The following CTCF variants were observed in gnomAD, a reference collection of about 807,000 sequenced individuals.
The protein encoded by CTCF is CCCTC-binding factor.
Under a neutral mutation model 72.3 loss-of-function variants are expected in CTCF, and 7 were observed. The observed-to-expected ratio is 0.10, with a 90% CI of 0.06 to 0.18. The LOEUF (loss-of-function observed/expected upper bound fraction) is 0.18. CTCF is among the 10% of genes least tolerant of loss of function. The probability of loss-of-function intolerance (pLI) is 1.00; values close to 1 mark genes in which losing one functional copy is unlikely to be tolerated. For synonymous variants in CTCF, 374 were observed against 315.8 expected, an observed-to-expected ratio of 1.18 and a Z score of -1.95; for missense variants, 516 against 949.1, an observed-to-expected ratio of 0.54 and a Z score of 6.00.
intron 2 of CTCF, among the ~76,000 whole-genome samples, chr16:67,606,312 C>T (rs2051972446): frequency 6.6e-6 from 1 of 152,226 alleles, no homozygotes; most frequent in African/African-American, 2.4e-5. Flanking sequence ...CTTTAAATGT[C>T]CTGCTCACGT....
intron 5 of CTCF, among the ~76,000 whole-genome samples, chr16:67,617,399 T>C (rs1285234901): frequency 1.3e-5 from 2 of 152,158 alleles, no homozygotes; most frequent in Non-Finnish European, 2.9e-5. Context: ...CTCGGGAGGC[T>C]GAGGCAGGAG....
At chr16:67,601,496 G>A (rs766281031) in intron 2 of CTCF, among the ~76,000 whole-genome samples, 1 of 151,290 alleles carries the variant, frequency 6.6e-6, no homozygotes, top group South Asian at 2.1e-4. Context: ...CTGCCACCAC[G>A]CCCAGCTAAT....
At chr16:67,607,492 G>C (rs2051990846) in intron 2 of CTCF, among the ~76,000 whole-genome samples, 2 of 151,010 alleles carry the variant, frequency 1.3e-5, no homozygotes, top group South Asian at 4.2e-4. Flanking sequence ...TTTTAGTAGA[G>C]ATGGGGTTTT....
At chr16:67,600,162 CAA>C (rs781370100) in intron 2 of CTCF, among the ~76,000 whole-genome samples, 1 of 152,078 alleles carries the variant, frequency 6.6e-6, no homozygotes, top group African/African-American at 2.4e-5. Flanking sequence ...GTGGGCCAAA[CAA>C]AGGGGCCGCA....
intron 1 of CTCF, among the ~76,000 whole-genome samples, chr16:67,564,685 T>G (rs768245326): frequency 6.6e-6 from 1 of 152,218 alleles, no homozygotes; most frequent in East Asian, 1.9e-4. Context: ...TTTATTTATT[T>G]AAATAAGCTC....
chr16:67,578,621 A>G (rs949351973), intron 2 of CTCF, among the ~76,000 whole-genome samples: 11 of 151,616 alleles, frequency 7.3e-5, no homozygotes, highest in Admixed American at 2.6e-4. Flanking sequence ...GCATGAGCCA[A>G]TGTGCCTGGC....
At chr16:67,618,379 G>T (rs1334307625) in intron 5 of CTCF, among the ~76,000 whole-genome samples, 1 of 152,164 alleles carries the variant, frequency 6.6e-6, no homozygotes, top group Non-Finnish European at 1.5e-5. Context: ...TCCAGCCTGG[G>T]TGATGAGTGA....
chr16:67,621,655 G>A (rs2052200069), intron 7 of CTCF, 64 bp downstream of exon 7: 1 of 1,258,284 alleles, frequency 7.9e-7, no homozygotes, highest in Non-Finnish European at 1.1e-6. Context: ...TCGAAATATG[G>A]GGATCAAAAA....
chr16:67,629,997 C>T lies in CTCF; in HGVS notation c.1837+464C>T, dbSNP rs186391093. 1.6e-3 allele frequency among the ~76,000 whole-genome samples: 240 copies of T among 151,562 alleles called. 1 individual carries two copies. The Middle Eastern group carries it at 0.024, about 15-fold the overall frequency. On this transcript the variant is annotated intron_variant, in intron 10 of 11. Transcript: ENST00000264010. Reference sequence around the variant, plus strand: ...TTCACCGTGTTAGCCAGAATGGTCTCGATCTCCTCACCTCATGATCCGCCC... The same window carrying T: ...TTCACCGTGTTAGCCAGAATGGTCTTGATCTCCTCACCTCATGATCCGCCC...
At chr16:67,566,197 T>C (rs2051341157) in intron 1 of CTCF, among the ~76,000 whole-genome samples, 1 of 152,078 alleles carries the variant, frequency 6.6e-6, no homozygotes, top group African/African-American at 2.4e-5. Context: ...TTGAAGACCA[T>C]GGTTCTCAAT....
At chr16:67,631,688 C>G (rs1233519870) in intron 10 of CTCF, among the ~76,000 whole-genome samples, 1 of 120,270 alleles carries the variant, frequency 8.3e-6, no homozygotes, top group African/African-American at 2.9e-5. Context: ...CCACCCCCCC[C>G]CCCTTTTTTT....
chr16:67,566,995 C>CCT (rs1242267823), intron 1 of CTCF, among the ~76,000 whole-genome samples: 1 of 152,128 alleles, frequency 6.6e-6, no homozygotes, highest in Non-Finnish European at 1.5e-5. Context: ...GCCACCTCAG[C>CCT]CTCCTGGGTA....
chr16:67,597,341 CTT>C (rs113177518), intron 2 of CTCF, among the ~76,000 whole-genome samples: 1 of 146,730 alleles, frequency 6.8e-6, no homozygotes. Context: ...GCCACTAATG[CTT>C]TTTTTTTTTA....
chr16:67,607,598 G>A (rs199506226), intron 2 of CTCF, among the ~76,000 whole-genome samples: 2 of 152,026 alleles, frequency 1.3e-5, no homozygotes, highest in Non-Finnish European at 2.9e-5. Context: ...GAGCTACCGT[G>A]CCCGGCCCAT....
chr16:67,580,092 G>A (rs539471631), intron 2 of CTCF, among the ~76,000 whole-genome samples: 2 of 152,306 alleles, frequency 1.3e-5, no homozygotes, highest in East Asian at 3.9e-4. Flanking sequence ...GAGCAAGAGG[G>A]GAAGCAGGGA....
chr16:67,605,376 G>A (rs1167726805), intron 2 of CTCF, among the ~76,000 whole-genome samples: 1 of 152,184 alleles, frequency 6.6e-6, no homozygotes, highest in Non-Finnish European at 1.5e-5. Flanking sequence ...ACCTTCTGCG[G>A]TAACATTTTT....
chr16:67,630,075 C>T (rs928815689), intron 10 of CTCF, among the ~76,000 whole-genome samples: 1 of 151,854 alleles, frequency 6.6e-6, no homozygotes, highest in Admixed American at 6.6e-5. Flanking sequence ...TGCGCCCGGC[C>T]ATTATTAATG....
chr16:67,622,084 C>T (rs1597721654), intron 7 of CTCF, among the ~76,000 whole-genome samples: 1 of 152,112 alleles, frequency 6.6e-6, no homozygotes, highest in East Asian at 1.9e-4. Flanking sequence ...AGGCCGGGCG[C>T]GGCAGCTCAC....
At position 67,628,188 on chromosome 16, in the gene CTCF, C is replaced by G. The variant is rs576065547; in HGVS notation, c.1519-182C>G. On this transcript the variant is annotated intron_variant, in intron 8 of 11. Transcript: ENST00000264010. Reference sequence around the variant, plus strand: ...TAAGCCATGATCACACCACTGCTCTCCAGACTTTGCAACAGAGCAAGACCC... The same window carrying G: ...TAAGCCATGATCACACCACTGCTCTGCAGACTTTGCAACAGAGCAAGACCC... Among the ~76,000 whole-genome samples, 6 of 152,306 alleles carry G rather than the reference C, an allele frequency of 3.9e-5. No individual in the cohort carries two copies. In the South Asian group the frequency reaches 1.2e-3, roughly 32 times the overall value.
Sources: gnomAD v4.1 joint callset for allele counts (sites outside exome capture counted in the v4.1 genomes callset) on GRCh38, gnomAD v4.1.1 for gene constraint, MANE v1.5 for transcripts, NCBI Gene and HGNC (gene_info 2026-07-23, HGNC 2026-07-21) for gene names.